The following PDE7B variants were observed in gnomAD, a reference collection of about 807,000 sequenced individuals.
The protein encoded by PDE7B is phosphodiesterase 7B.
A neutral mutation model predicts 56.2 loss-of-function variants in PDE7B; 29 were observed. The observed-to-expected ratio is 0.52, with a 90% CI of 0.38 to 0.70. The LOEUF (loss-of-function observed/expected upper bound fraction) is 0.70. PDE7B is among the 30% of genes least tolerant of loss of function. PDE7B has a pLI of 0.00. For synonymous variants in PDE7B, 197 were observed against 196.9 expected, an observed-to-expected ratio of 1.00 and a Z score of 0.00; for missense variants, 490 against 565.0, an observed-to-expected ratio of 0.87 and a Z score of 1.35.
Position 136,191,840 on chromosome 6 carries a change from G to A in PDE7B, c.1353G>A (p.Ter451=). Reference sequence around the variant, plus strand: ...AGGAGCAGGAAGGCGACAGCCCCTAGGGGCCGGCCCAACTTAGACGCGGCT... The same window carrying A: ...AGGAGCAGGAAGGCGACAGCCCCTAAGGGCCGGCCCAACTTAGACGCGGCT... ...ESEEQEGDSP[*] Residue 451 remains the stop codon, a stop_retained_variant, in exon 13 of 13, where the codon TAG becomes TAA. Transcript: ENST00000308191. 3 of 1,549,028 alleles carry A rather than the reference G, an allele frequency of 1.9e-6. No homozygotes were observed. The highest frequency in any genetic ancestry group is 2.6e-6 in the Non-Finnish European group (3 of 1,146,572).
At chr6:135,946,483 A>T (rs1414694501) in intron 1 of PDE7B, among the ~76,000 whole-genome samples, 1 of 152,024 alleles carries the variant, frequency 6.6e-6, no homozygotes, top group Non-Finnish European at 1.5e-5. Context: ...TTTGCAAATA[A>T]TTTTCTAAAG....
intron 1 of PDE7B, among the ~76,000 whole-genome samples, chr6:135,919,182 A>G (rs1363489317): frequency 6.6e-6 from 1 of 152,208 alleles, no homozygotes; most frequent in Non-Finnish European, 1.5e-5. Flanking sequence ...CAGAGAGAAC[A>G]AGCCAAGCCA....
intron 2 of PDE7B, chr6:136,049,441 T>C (rs957452993): frequency 1.3e-5 from 2 of 151,628 alleles, no homozygotes; most frequent in African/African-American, 2.4e-5. Flanking sequence ...CCACACTAGA[T>C]GCCACTGGAT....
intron 3 of PDE7B, among the ~76,000 whole-genome samples, chr6:136,121,164 G>C (rs1777927134): frequency 6.6e-6 from 1 of 152,136 alleles, no homozygotes; most frequent in Non-Finnish European, 1.5e-5. Flanking sequence ...CCTGAAGCCA[G>C]CTGTGACTGC....
intron 2 of PDE7B, among the ~76,000 whole-genome samples, chr6:135,972,228 G>C (rs1178966805): frequency 6.2e-5 from 4 of 64,202 alleles, no homozygotes; most frequent in Non-Finnish European, 9.9e-5. Context: ...GAGCTAAACT[G>C]TTCTCAAAAA....
At chr6:136,086,256 T>A (rs553191690) in intron 2 of PDE7B, among the ~76,000 whole-genome samples, 1 of 152,342 alleles carries the variant, frequency 6.6e-6, no homozygotes, top group Admixed American at 6.5e-5. Context: ...TGATAACTTT[T>A]CTTTTGCATC....
chr6:135,917,287 A>G (rs1343489504), intron 1 of PDE7B, among the ~76,000 whole-genome samples: 1 of 151,880 alleles, frequency 6.6e-6, no homozygotes, highest in Non-Finnish European at 1.5e-5. Context: ...ATTTTTTTCA[A>G]CCTTTTCTTA....
chr6:135,901,891 T>C (rs1776007490), intron 1 of PDE7B, among the ~76,000 whole-genome samples: 1 of 152,078 alleles, frequency 6.6e-6, no homozygotes, highest in Non-Finnish European at 1.5e-5. Flanking sequence ...AGCAATGAAA[T>C]AGAAAGCAGA....
At chr6:136,102,576 C>G (rs1226012095) in intron 2 of PDE7B, among the ~76,000 whole-genome samples, 3 of 152,180 alleles carry the variant, frequency 2.0e-5, no homozygotes, top group Non-Finnish European at 4.4e-5. Context: ...TTCTACCCAA[C>G]CTTTATAAAA....
chr6:135,873,376 C>T (rs1257587660), intron 1 of PDE7B, among the ~76,000 whole-genome samples: 1 of 152,132 alleles, frequency 6.6e-6, no homozygotes, highest in African/African-American at 2.4e-5. Context: ...ATATTTGAGT[C>T]CACAAATATG....
chr6:135,936,899 T>C (rs1774430737), intron 1 of PDE7B, among the ~76,000 whole-genome samples: 1 of 152,214 alleles, frequency 6.6e-6, no homozygotes, highest in Non-Finnish European at 1.5e-5. Flanking sequence ...TTCTCATTTC[T>C]GTGATCTATG....
intron 2 of PDE7B, among the ~76,000 whole-genome samples, chr6:136,001,040 A>T (rs1032657173): frequency 6.6e-6 from 1 of 152,240 alleles, no homozygotes; most frequent in Non-Finnish European, 1.5e-5. Flanking sequence ...TTTGCAGTTC[A>T]TGAAAATCCG....
chr6:136,120,544 G>C (rs963376404), intron 3 of PDE7B, among the ~76,000 whole-genome samples: 2 of 152,144 alleles, frequency 1.3e-5, no homozygotes, highest in Non-Finnish European at 2.9e-5. Flanking sequence ...CCTAACAGCA[G>C]GTGGGAAGAA....
chr6:135,932,355 C>G (rs1286898290), intron 1 of PDE7B, among the ~76,000 whole-genome samples: 2 of 151,970 alleles, frequency 1.3e-5, no homozygotes, highest in East Asian at 3.9e-4. Flanking sequence ...GGGATGAATA[C>G]CCCTTTCTCA....
At chr6:136,018,737 T>C (rs1334102550) in intron 2 of PDE7B, among the ~76,000 whole-genome samples, 1 of 151,992 alleles carries the variant, frequency 6.6e-6, no homozygotes, top group Non-Finnish European at 1.5e-5. Context: ...CGTGTACAAT[T>C]TGCCTTTTGT....
intron 2 of PDE7B, among the ~76,000 whole-genome samples, chr6:136,004,447 G>C (rs1292310807): frequency 1.3e-5 from 2 of 152,134 alleles, no homozygotes; most frequent in Non-Finnish European, 2.9e-5. Context: ...TGTATATCTA[G>C]AAAACCCCAT....
intron 1 of PDE7B, among the ~76,000 whole-genome samples, chr6:135,913,893 C>T (rs531625142): frequency 2.0e-5 from 3 of 152,238 alleles, no homozygotes; most frequent in South Asian, 2.1e-4. Context: ...TTCCTAAGAC[C>T]GTAAATTCCT....
intron 2 of PDE7B, among the ~76,000 whole-genome samples, chr6:136,064,162 C>G (rs1014234493): frequency 6.6e-6 from 1 of 152,096 alleles, no homozygotes; most frequent in Non-Finnish European, 1.5e-5. Context: ...CAATGGAAGA[C>G]TATTAGTATT....
chr6:136,135,785 C>A (rs1391878766), intron 3 of PDE7B, among the ~76,000 whole-genome samples: 1 of 151,986 alleles, frequency 6.6e-6, no homozygotes, highest in Non-Finnish European at 1.5e-5. Context: ...TCATTACAAC[C>A]AAGTCTAAGT....
Sources: gnomAD v4.1 joint callset for allele counts (sites outside exome capture counted in the v4.1 genomes callset) on GRCh38, gnomAD v4.1.1 for gene constraint, MANE v1.5 for transcripts, NCBI Gene and HGNC (gene_info 2026-07-23, HGNC 2026-07-21) for gene names.